Variants in CACNB2 observed in about 807,000 individuals in gnomAD.
CACNB2 encodes voltage-dependent L-type calcium channel subunit beta-2.
A neutral mutation model predicts 73.3 loss-of-function variants in CACNB2; 42 were observed. The ratio of observed to expected loss-of-function variants is 0.57; its 90% CI spans 0.45 to 0.74. The LOEUF (loss-of-function observed/expected upper bound fraction) is 0.74, where lower values mean the gene tolerates loss of function less well. Ranked by LOEUF, CACNB2 falls within the 30% of genes least tolerant of loss-of-function variation. The pLI, the probability that CACNB2 is intolerant of heterozygous loss-of-function variation, is 0.00. For missense variants in CACNB2, 940 were observed against 853.0 expected, an observed-to-expected ratio of 1.10 and a Z score of -1.27; for synonymous variants, 348 against 310.3, an observed-to-expected ratio of 1.12 and a Z score of -1.28.
At chr10:18,489,726 A>T (rs868210416) in intron 3 of CACNB2, among the ~76,000 whole-genome samples, 1 of 152,226 alleles carries the variant, frequency 6.6e-6, no homozygotes, top group Non-Finnish European at 1.5e-5. Flanking sequence ...ATCATTTTAC[A>T]GTAAGTCCTG....
At chr10:18,439,095 G>A (rs1290258339) in intron 3 of CACNB2, among the ~76,000 whole-genome samples, 2 of 152,212 alleles carry the variant, frequency 1.3e-5, no homozygotes, top group Non-Finnish European at 2.9e-5. Flanking sequence ...TACGAGACAT[G>A]CAATTTTATT....
chr10:18,481,192 C>CTATATATATATATATATATATA (rs145814788), intron 3 of CACNB2, among the ~76,000 whole-genome samples: 16 of 36,698 alleles, frequency 4.4e-4, no homozygotes, highest in Non-Finnish European at 5.7e-4. Context: ...TACATCTTCG[C>CTATATATATATATATATATATA]TATATATATA....
intron 2 of CACNB2, among the ~76,000 whole-genome samples, chr10:18,325,494 A>G (rs1338792391): frequency 6.6e-6 from 1 of 151,838 alleles, no homozygotes; most frequent in African/African-American, 2.4e-5. Flanking sequence ...CCACACCCAG[A>G]TGAAACCTAG....
chr10:18,282,562 A>C lies in CACNB2; in HGVS notation c.214-119362A>C, dbSNP rs111794484. Among the ~76,000 whole-genome samples the C allele has an allele frequency of 7.8e-3, 1,192 of 152,330 alleles. 6 individuals are homozygous for C. Among genetic ancestry groups the C allele is most frequent in the Non-Finnish European group, 0.011 (769 of 68,024 alleles). On this transcript the variant is annotated intron_variant, in intron 2 of 13. Transcript: ENST00000324631. ...GGACCTGCCTTACAGATTGTTAGGA[A>C]GACTTATTAACTCAGTGTGATAAAA... is the stretch of plus-strand genomic sequence containing the variant.
rs1350678200 is a variant in CACNB2, at chr10:18,442,951, T to C, written c.333+40908T>C. 9.4e-3 allele frequency among the ~76,000 whole-genome samples: 184 copies of C among 19,488 alleles called. 2 individuals carry two copies. The highest frequency in any genetic ancestry group is 0.039 in the African/African-American group (61 of 1,584). The allele number at this position is 19,488 out of a possible 152,430, so 12.8% of individuals were successfully genotyped here. A position where few individuals can be genotyped will look rare whatever the true frequency, so the allele number is the denominator to read the frequency against. The stretch of plus-strand genomic sequence containing the variant: ...GTATATATATATATATGTGTATATA[T>C]ATATATGTATATATATATGTGTATA... On this transcript the variant is annotated intron_variant, in intron 3 of 13. Coordinates refer to ENST00000324631, the MANE Select transcript of CACNB2 (RefSeq NM_201596.3).
chr10:18,310,201 T>G (rs747284337), intron 2 of CACNB2, among the ~76,000 whole-genome samples: 10 of 152,214 alleles, frequency 6.6e-5, no homozygotes, highest in Non-Finnish European at 1.0e-4. Context: ...CAATTAAGAT[T>G]GGGTTTCGTA....
chr10:18,150,629 C>G (rs2031433366), intron 1 of CACNB2, among the ~76,000 whole-genome samples: 1 of 152,160 alleles, frequency 6.6e-6, no homozygotes, highest in Non-Finnish European at 1.5e-5. Context: ...TGCCATTGCA[C>G]TCCAGCCTGG....
chr10:18,201,275 C>CTTTTTT (rs11381087), intron 2 of CACNB2, among the ~76,000 whole-genome samples: 1 of 138,674 alleles, frequency 7.2e-6, no homozygotes, highest in Non-Finnish European at 1.6e-5. Flanking sequence ...GGTCCAGTAT[C>CTTTTTT]TTTTTTTTTT....
chr10:18,397,541 C>T (rs1480310921), intron 2 of CACNB2, among the ~76,000 whole-genome samples: 1 of 151,030 alleles, frequency 6.6e-6, no homozygotes, highest in East Asian at 1.9e-4. Flanking sequence ...ACAATGAAAC[C>T]CCGTCTCTAC....
At chr10:18,413,666 T>G (rs944783340) in intron 3 of CACNB2, among the ~76,000 whole-genome samples, 1 of 152,254 alleles carries the variant, frequency 6.6e-6, no homozygotes, top group African/African-American at 2.4e-5. Flanking sequence ...ATGCATTCTC[T>G]ATGCAACTGC....
At position 18,220,140 on chromosome 10, in the gene CACNB2, TATATATATATATATAC is replaced by T. The variant is rs1278411758; in HGVS notation, c.213+69167_213+69182del. On this transcript the variant is annotated intron_variant, in intron 2 of 13. Transcript: ENST00000324631. ...ATATATATATATATATATATATATA[TATATATATATATATAC>T]ACACACACACACACACATACATATA... Among the ~76,000 whole-genome samples the T allele has an allele frequency of 8.5e-4, 32 of 37,580 alleles. 1 individual carries two copies. Among genetic ancestry groups the T allele is most frequent in the African/African-American group, 2.5e-3 (7 of 2,792 alleles). 24.7% of individuals were successfully genotyped at this position (37,580 alleles called of 152,430 possible).
intron 2 of CACNB2, among the ~76,000 whole-genome samples, chr10:18,218,346 T>C (rs1012353891): frequency 1.3e-5 from 2 of 152,234 alleles, no homozygotes; most frequent in Non-Finnish European, 2.9e-5. Context: ...AGATTATTGA[T>C]TGCCATCACT....
At chr10:18,170,599 G>A (rs189943374) in intron 2 of CACNB2, among the ~76,000 whole-genome samples, 9 of 152,160 alleles carry the variant, frequency 5.9e-5, no homozygotes, top group Admixed American at 2.0e-4. Context: ...ATAAAACCAC[G>A]CCCCACTGCC....
chr10:18,195,087 C>G (rs145483817), intron 2 of CACNB2, among the ~76,000 whole-genome samples: 22 of 152,178 alleles, frequency 1.4e-4, no homozygotes, highest in African/African-American at 5.1e-4. Flanking sequence ...CTTTAAATAT[C>G]CAGCTACTGC....
chr10:18,449,403 AAC>A (rs2046907004), intron 3 of CACNB2, among the ~76,000 whole-genome samples: 1 of 152,092 alleles, frequency 6.6e-6, no homozygotes. Context: ...TAAAAAATAA[AAC>A]ACACAACAAC....
chr10:18,382,609 G>A (rs1170141530), intron 2 of CACNB2, among the ~76,000 whole-genome samples: 7 of 151,914 alleles, frequency 4.6e-5, no homozygotes, highest in South Asian at 2.1e-4. Context: ...CTCATTGTTC[G>A]GCTCCCAATT....
rs2043376856 is a variant in CACNB2, at chr10:18,389,613, C to A, written c.214-12311C>A. Among the ~76,000 whole-genome samples, 3 of 152,194 alleles carry A rather than the reference C, an allele frequency of 2.0e-5. No individual in the cohort carries two copies. The South Asian group carries it at 6.2e-4, about 32-fold the overall frequency. ...TCTAATAGTCTACTAAGCATGTGAA[C>A]CATAATTTTAAAATTTTCTTAAACT... On this transcript the variant is annotated intron_variant, in intron 2 of 13. Coordinates refer to ENST00000324631, the MANE Select transcript of CACNB2 (RefSeq NM_201596.3).
intron 2 of CACNB2, among the ~76,000 whole-genome samples, chr10:18,153,105 C>A (rs749085814): frequency 2.6e-5 from 4 of 152,156 alleles, no homozygotes; most frequent in Admixed American, 6.5e-5. Flanking sequence ...TAGCTTTAAA[C>A]ACCATTATAA....
At chr10:18,267,861 G>A (rs930642505) in intron 2 of CACNB2, among the ~76,000 whole-genome samples, 5 of 152,120 alleles carry the variant, frequency 3.3e-5, no homozygotes, top group African/African-American at 4.8e-5. Flanking sequence ...TGACACTTCC[G>A]GGGCAGCGGC....
Sources: allele counts gnomAD v4.1 joint callset (sites outside exome capture counted in the v4.1 genomes callset), GRCh38; gene constraint gnomAD v4.1.1; transcripts MANE v1.5; gene names NCBI Gene and HGNC (gene_info 2026-07-23, HGNC 2026-07-21).